Variants in MAF observed in about 807,000 individuals in gnomAD.
MAF encodes transcription factor Maf.
A neutral mutation model predicts 22.0 loss-of-function variants in MAF; 10 were observed. The observed-to-expected ratio is 0.45, with a 90% CI of 0.28 to 0.77. MAF has a LOEUF of 0.77. Ranked by LOEUF, MAF falls within the 30% of genes least tolerant of loss-of-function variation. The probability of loss-of-function intolerance (pLI) is 0.12; values close to 1 mark genes in which losing one functional copy is unlikely to be tolerated. For synonymous variants in MAF, 337 were observed against 255.8 expected, an observed-to-expected ratio of 1.32 and a Z score of -3.03; for missense variants, 544 against 548.4, an observed-to-expected ratio of 0.99 and a Z score of 0.08.
At chr16:79,254,773 C>G in the MAF span, among the ~76,000 whole-genome samples, 1 of 152,130 alleles carries the variant, frequency 6.6e-6, no homozygotes, top group Admixed American at 6.5e-5. Context: ...CTTTAGTGAA[C>G]TTGGCTGCAA....
chr16:79,388,091 C>T, the MAF span, among the ~76,000 whole-genome samples: 1 of 152,188 alleles, frequency 6.6e-6, no homozygotes, highest in Admixed American at 6.5e-5. Context: ...TCACAGCGTC[C>T]ACTCTCCTGG....
chr16:79,209,858 GAAT>G, the MAF span, among the ~76,000 whole-genome samples: 139 of 152,268 alleles, frequency 9.1e-4, no homozygotes, highest in African/African-American at 3.3e-3. Flanking sequence ...GGGTTATTAG[GAAT>G]AATAATTCAG....
At chr16:79,349,801 G>A in the MAF span, among the ~76,000 whole-genome samples, 3 of 152,176 alleles carry the variant, frequency 2.0e-5, no homozygotes, top group African/African-American at 2.4e-5. Context: ...AAACCTAACT[G>A]CTTGCCTGTG....
chr16:79,529,558 G>A, the MAF span, among the ~76,000 whole-genome samples: 1 of 152,190 alleles, frequency 6.6e-6, no homozygotes, highest in Non-Finnish European at 1.5e-5. Context: ...CTCAGAGGGT[G>A]TTTTGGAAGA....
At chr16:79,217,732 T>G in the MAF span, among the ~76,000 whole-genome samples, 1 of 152,300 alleles carries the variant, frequency 6.6e-6, no homozygotes, top group Non-Finnish European at 1.5e-5. Flanking sequence ...GTTTCCACTT[T>G]CACACCTGAT....
chr16:79,268,338 T>A, the MAF span, among the ~76,000 whole-genome samples: 1 of 152,058 alleles, frequency 6.6e-6, no homozygotes, highest in Non-Finnish European at 1.5e-5. Context: ...ATATCCTGAG[T>A]CTTTTGCTCC....
chr16:79,230,001 G>GA, the MAF span, among the ~76,000 whole-genome samples: 16,767 of 150,852 alleles, frequency 0.11, 1,740 homozygotes, highest in African/African-American at 0.27. Context: ...GTTGCTTACA[G>GA]AAAAAAAAAG....
chr16:79,255,998 T>G, the MAF span, among the ~76,000 whole-genome samples: 1 of 147,034 alleles, frequency 6.8e-6, no homozygotes, highest in African/African-American at 2.6e-5. Context: ...TTTTTTTTTT[T>G]GTGAGATGGA....
At chr16:79,496,670 C>T in the MAF span, among the ~76,000 whole-genome samples, 1 of 152,170 alleles carries the variant, frequency 6.6e-6, no homozygotes, top group Non-Finnish European at 1.5e-5. Context: ...AAATTCTTCT[C>T]TTCATAATGC....
chr16:79,454,795 C>A, the MAF span, among the ~76,000 whole-genome samples: 1 of 149,546 alleles, frequency 6.7e-6, no homozygotes, highest in Non-Finnish European at 1.5e-5. Flanking sequence ...CCATTTTTAC[C>A]CCATAGCTGT....
At chr16:79,319,197 T>G in the MAF span, among the ~76,000 whole-genome samples, 2 of 151,772 alleles carry the variant, frequency 1.3e-5, no homozygotes, top group African/African-American at 4.8e-5. Flanking sequence ...TGGGGGGAGG[T>G]CCCCTTCTAA....
At chr16:79,454,863 G>A in the MAF span, among the ~76,000 whole-genome samples, 7 of 152,034 alleles carry the variant, frequency 4.6e-5, no homozygotes, top group East Asian at 7.7e-4. Flanking sequence ...TTGGGAGGCC[G>A]AGGCAGGTGG....
chr16:79,518,257 G>C, the MAF span, among the ~76,000 whole-genome samples: 3 of 152,188 alleles, frequency 2.0e-5, no homozygotes, highest in Non-Finnish European at 1.5e-5. Context: ...TAGAACCTGT[G>C]CCAGTGCATG....
At chr16:79,372,674 G>C in the MAF span, among the ~76,000 whole-genome samples, 1 of 152,178 alleles carries the variant, frequency 6.6e-6, no homozygotes, top group Admixed American at 6.5e-5. Context: ...GTGAATCACA[G>C]TTATTGAGAA....
At chr16:79,323,087 T>G in the MAF span, among the ~76,000 whole-genome samples, 1 of 134,908 alleles carries the variant, frequency 7.4e-6, no homozygotes, top group Non-Finnish European at 1.5e-5. Context: ...GAGGCAGAGC[T>G]TGCAGTGAGT....
chr16:79,360,988 C>A, the MAF span, among the ~76,000 whole-genome samples: 1 of 152,156 alleles, frequency 6.6e-6, no homozygotes, highest in Non-Finnish European at 1.5e-5. Flanking sequence ...GCAAAAGCTA[C>A]GAATCAAGAC....
At chr16:79,531,151 G>A in the MAF span, among the ~76,000 whole-genome samples, 1 of 152,180 alleles carries the variant, frequency 6.6e-6, no homozygotes, top group Non-Finnish European at 1.5e-5. Flanking sequence ...TTTTAATTCT[G>A]TTGCTAGAGC....
the MAF span, among the ~76,000 whole-genome samples, chr16:79,401,888 C>T: frequency 6.6e-6 from 1 of 152,142 alleles, no homozygotes; most frequent in Admixed American, 6.5e-5. Flanking sequence ...TGCCCTGGCT[C>T]CAGGCCTGCC....
At chr16:79,575,208 T>C in the MAF span, among the ~76,000 whole-genome samples, 2 of 152,074 alleles carry the variant, frequency 1.3e-5, no homozygotes, top group South Asian at 4.1e-4. Context: ...TGAATCTCAG[T>C]ACAAGTTTCC....
Sources: gnomAD v4.1 joint callset for allele counts (sites outside exome capture counted in the v4.1 genomes callset) on GRCh38, gnomAD v4.1.1 for gene constraint, MANE v1.5 for transcripts, NCBI Gene and HGNC (gene_info 2026-07-23, HGNC 2026-07-21) for gene names.